The following ACSF2 variants were observed in gnomAD, a reference collection of about 807,000 sequenced individuals.
ACSF2 encodes acyl-CoA synthetase family member 2, also known as medium-chain acyl-CoA ligase ACSF2, mitochondrial.
A neutral mutation model predicts 79.3 loss-of-function variants in ACSF2; 52 were observed. The ratio of observed to expected loss-of-function variants is 0.66; its 90% CI spans 0.53 to 0.83. ACSF2 has a LOEUF of 0.83. Among genes scored for constraint, ACSF2 ranks in the 40% least tolerant of loss-of-function variants. ACSF2 has a pLI of 0.00. For missense variants in ACSF2, 661 were observed against 803.3 expected, an observed-to-expected ratio of 0.82 and a Z score of 2.14; for synonymous variants, 283 against 312.6, an observed-to-expected ratio of 0.91 and a Z score of 1.00.
In ACSF2 at chr17:50,463,148, C is replaced by T. The variant is rs751292888; in HGVS notation, c.793-8C>T. The T allele has an allele frequency of 6.2e-7, 1 of 1,613,168 alleles. No homozygotes were observed. Among genetic ancestry groups the T allele is most frequent in the South Asian group, 1.1e-5 (1 of 91,008 alleles). ...GGAGGCCAAGCCATGCCCTGTTTGC[C>T]TTGTCAGGGGACAACAGGCAGCCCC... On this transcript the variant is annotated splice_polypyrimidine_tract_variant and splice_region_variant and intron_variant, in intron 6 of 15. Coordinates refer to ENST00000300441, the MANE Select transcript of ACSF2 (RefSeq NM_025149.6). The surrounding 1 kb of genome is among the most constrained non-coding windows in gnomAD (Gnocchi z 4.6).
intron 1 of ACSF2, among the ~76,000 whole-genome samples, chr17:50,444,146 A>T (rs908038481): frequency 6.6e-6 from 1 of 152,252 alleles, no homozygotes; most frequent in Admixed American, 6.5e-5. Flanking sequence ...CATTTATTAC[A>T]GTATCAGACA....
intron 1 of ACSF2, among the ~76,000 whole-genome samples, chr17:50,447,396 C>T (rs2031369956): frequency 6.6e-6 from 1 of 151,788 alleles, no homozygotes; most frequent in African/African-American, 2.4e-5. Flanking sequence ...AAAAATTAAC[C>T]GGATGTGGTG....
At chr17:50,467,937 A>G in intron 10 of ACSF2, 1 of 1,254,544 alleles carries the variant, frequency 8.0e-7, no homozygotes, top group Non-Finnish European at 1.1e-6. Flanking sequence ...CCAGAGGGAC[A>G]GGGAACCTGG....
In ACSF2 at chr17:50,463,943, A is replaced by T. The variant is rs759586377; in HGVS notation, c.1138+34A>T. The T allele has an allele frequency of 1.3e-6, 2 of 1,487,600 alleles. No individual in the cohort carries two copies. The allele number at this position is 1,487,600 out of a possible 1,614,324, so 92.2% of individuals were successfully genotyped here. ...GGGCCAAGGGCAGCCAGGCTTGGGG[A>T]GGGGGCTGCTTCCCCCACAGGAATG... On this transcript the variant is annotated intron_variant, in intron 9 of 15. Coordinates refer to ENST00000300441, the MANE Select transcript of ACSF2 (RefSeq NM_025149.6). The surrounding 1 kb of genome is among the most constrained non-coding windows in gnomAD (Gnocchi z 4.6).
At chr17:50,468,200 T>C in intron 10 of ACSF2, 1 of 1,613,658 alleles carries the variant, frequency 6.2e-7, no homozygotes, top group Non-Finnish European at 8.5e-7. Context: ...GGACAGCTGG[T>C]TCCTGTCCAC....
chr17:50,452,305 A>T (rs2143642421), intron 1 of ACSF2, among the ~76,000 whole-genome samples: 1 of 152,238 alleles, frequency 6.6e-6, no homozygotes, highest in Non-Finnish European at 1.5e-5. Flanking sequence ...GAAAAAAAAA[A>T]TTCCTAAAAC....
At chr17:50,461,776 T>C (rs2032343873) in intron 4 of ACSF2, 90 bp downstream of exon 4, 1 of 1,512,118 alleles carries the variant, frequency 6.6e-7, no homozygotes, top group African/African-American at 1.4e-5. Context: ...CGGTGTGAGC[T>C]AGGGCATGCA....
At chr17:50,430,613 C>T (rs1190085908) in intron 1 of ACSF2, among the ~76,000 whole-genome samples, 1 of 152,002 alleles carries the variant, frequency 6.6e-6, no homozygotes, top group East Asian at 1.9e-4. Context: ...TGCAGTGAGC[C>T]GAGATTGTGC....
At chr17:50,447,982 C>T (rs2031409102) in intron 1 of ACSF2, among the ~76,000 whole-genome samples, 1 of 152,220 alleles carries the variant, frequency 6.6e-6, no homozygotes. Context: ...TGTAGCCCTG[C>T]CACAGCCCAA....
chr17:50,474,536 G>C lies in ACSF2; in HGVS notation c.1832G>C (p.Arg611Pro). 1 of 1,614,138 alleles carries C rather than the reference G, an allele frequency of 6.2e-7. No homozygotes were observed. Among genetic ancestry groups the C allele is most frequent in the Non-Finnish European group, 8.5e-7 (1 of 1,180,034 alleles). Reference protein sequence around the residue: ...QKFKLREQMERHLNL With the variant: ...QKFKLREQMEPHLNL ...TTCAAACTTCGAGAGCAGATGGAAC[G>C]ACATCTAAATCTGTGAATAAAGCAG... The change falls in exon 16 of 16, where the codon CGA (arginine) becomes CCA (proline). Residue 611 changes from arginine to proline, a missense_variant. By Grantham distance (103) the Arg-to-Pro change is moderately radical. Coordinates refer to ENST00000300441, the MANE Select transcript of ACSF2 (RefSeq NM_025149.6). The surrounding 1 kb of genome is among the most constrained non-coding windows in gnomAD (Gnocchi z 4.2).
chr17:50,429,644 C>A (rs1018710974), intron 1 of ACSF2, among the ~76,000 whole-genome samples: 2 of 152,024 alleles, frequency 1.3e-5, no homozygotes, highest in African/African-American at 4.8e-5. Flanking sequence ...CTCAGCCTCC[C>A]AAGTAGCTGG....
intron 1 of ACSF2, among the ~76,000 whole-genome samples, chr17:50,429,743 C>G (rs1360564368): frequency 6.6e-6 from 1 of 152,160 alleles, no homozygotes. Context: ...GTCTCAAACT[C>G]CTGAACTCAA....
intron 1 of ACSF2, among the ~76,000 whole-genome samples, chr17:50,437,823 A>G (rs1185592528): frequency 2.0e-5 from 3 of 152,186 alleles, no homozygotes; most frequent in Non-Finnish European, 4.4e-5. Flanking sequence ...GTGAAAAAAA[A>G]TTTGAAACAC....
At chr17:50,437,437 G>A (rs963444308) in intron 1 of ACSF2, among the ~76,000 whole-genome samples, 1 of 152,134 alleles carries the variant, frequency 6.6e-6, no homozygotes, top group African/African-American at 2.4e-5. Context: ...GTTGCTTGAG[G>A]CCAGGAGTTT....
At chr17:50,439,930 T>G (rs1567840755) in intron 1 of ACSF2, among the ~76,000 whole-genome samples, 1 of 152,250 alleles carries the variant, frequency 6.6e-6, no homozygotes, top group Non-Finnish European at 1.5e-5. Context: ...ATGTCTCCTG[T>G]GTCTGTTCTG....
rs1567831615 is a variant in ACSF2, at chr17:50,426,314, C to T, written c.53C>T (p.Ser18Leu). 3 of 1,416,042 alleles carry T rather than the reference C, an allele frequency of 2.1e-6. No individual in the cohort carries two copies. Among genetic ancestry groups the T allele is most frequent in the Non-Finnish European group, 2.8e-6 (3 of 1,079,044 alleles). 87.7% of individuals were successfully genotyped at this position (1,416,042 alleles called of 1,614,324 possible). ...LRLGRLCAGS[S>L]GVLGARAALS... is the part of the protein sequence containing the mutation. ...CTGGGGAGGCTGTGCGCCGGGAGCTCGGGGGTGCTGGGGGCCCGGGCCGCC... is the reference window on the plus strand; with the variant it reads ...CTGGGGAGGCTGTGCGCCGGGAGCTTGGGGGTGCTGGGGGCCCGGGCCGCC... Residue 18 changes from serine (S) to leucine (L), a missense_variant, in exon 1 of 16, where the codon TCG becomes TTG. By Grantham distance (145) the Ser-to-Leu change is moderately radical. Transcript: ENST00000300441.
rs151248480 is a variant in ACSF2 at position 50,446,964 on chromosome 17, A to G, written c.129-13713A>G. Among the ~76,000 whole-genome samples, 549 of 152,230 alleles carry G rather than the reference A, an allele frequency of 3.6e-3. 2 individuals are homozygous for G. Among genetic ancestry groups the G allele is most frequent in the African/African-American group, 0.013 (531 of 41,536 alleles). The stretch of plus-strand genomic sequence containing the variant: ...CTAGTACCTGTCTTTTGGTGAGCAC[A>G]TGTTTGATTTCTATTGGATATATAC... On this transcript the variant is annotated intron_variant, in intron 1 of 15. Coordinates refer to ENST00000300441, the MANE Select transcript of ACSF2 (RefSeq NM_025149.6).
intron 10 of ACSF2, chr17:50,470,001 G>C (rs1178766155): frequency 6.6e-6 from 1 of 152,310 alleles, no homozygotes; most frequent in African/African-American, 2.4e-5. Context: ...CTGGCCTCAG[G>C]GTGAGCTCCA....
At chr17:50,468,214 G>A in intron 10 of ACSF2, 1 of 1,613,166 alleles carries the variant, frequency 6.2e-7, no homozygotes, top group Non-Finnish European at 8.5e-7. Context: ...TGTCCACGTG[G>A]AATTTGGCGA....
Sources: allele counts gnomAD v4.1 joint callset (sites outside exome capture counted in the v4.1 genomes callset), GRCh38; gene constraint gnomAD v4.1.1; non-coding constraint Gnocchi (gnomAD v3.1); transcripts MANE v1.5; gene names NCBI Gene and HGNC (gene_info 2026-07-23, HGNC 2026-07-21).